Variants in ATCAY observed in about 807,000 individuals in gnomAD.
The protein encoded by ATCAY is caytaxin.
Under a neutral mutation model 47.7 loss-of-function variants are expected in ATCAY, and 22 were observed. That is an observed-to-expected ratio of 0.46 (90% CI 0.33 to 0.66). ATCAY has a LOEUF of 0.66. Ranked by LOEUF, ATCAY falls within the 30% of genes least tolerant of loss-of-function variation. The pLI is 0.02. For missense variants in ATCAY, 452 were observed against 515.0 expected (o/e 0.88, Z 1.18); for synonymous variants, 216 against 207.6 (o/e 1.04, Z -0.35).
intron 12 of ATCAY, chr19:3,922,255 T>G (rs1010916808): frequency 7.1e-6 from 5 of 699,542 alleles, no homozygotes; most frequent in African/African-American, 3.5e-5. Context: ...CATGCTGCTA[T>G]GAAGAAATAC....
At chr19:3,906,359 G>T (rs1359852725) in intron 4 of ATCAY, among the ~76,000 whole-genome samples, 6 of 148,766 alleles carry the variant, frequency 4.0e-5, no homozygotes, top group African/African-American at 1.5e-4. Flanking sequence ...CTGGAGTGCA[G>T]TGGTGTGATC....
chr19:3,910,789 G>T lies in ATCAY; in HGVS notation c.780-14G>T. On this transcript the variant is annotated splice_polypyrimidine_tract_variant and intron_variant, in intron 7 of 12. Transcript: ENST00000450849. ...CCCAGGAGCCCATCTTGCTTCCTTT[G>T]CGGCCCCACACAGGTTGCGGAAAAA... 1 of 1,613,922 alleles carries T rather than the reference G, an allele frequency of 6.2e-7. No individual in the cohort carries two copies. The highest frequency in any genetic ancestry group is 1.1e-5 in the South Asian group (1 of 91,080).
At chr19:3,917,698 A>G in intron 9 of ATCAY, 44 bp from the exon 10 acceptor site, 2 of 1,609,954 alleles carry the variant, frequency 1.2e-6, no homozygotes, top group African/African-American at 1.3e-5. Flanking sequence ...AGTATATCTC[A>G]GGGGAAAGGA....
chr19:3,916,313 T>G (rs1480520070), intron 9 of ATCAY, among the ~76,000 whole-genome samples: 1 of 152,224 alleles, frequency 6.6e-6, no homozygotes, highest in Non-Finnish European at 1.5e-5. Flanking sequence ...ACAATTGGGT[T>G]GTTTCCACCT....
chr19:3,916,361 C>G (rs1364590659), intron 9 of ATCAY, among the ~76,000 whole-genome samples: 1 of 152,170 alleles, frequency 6.6e-6, no homozygotes, highest in Non-Finnish European at 1.5e-5. Context: ...TTATATGCTA[C>G]TCACCTATGA....
chr19:3,899,852 G>A (rs999097725), intron 2 of ATCAY, among the ~76,000 whole-genome samples: 2 of 152,096 alleles, frequency 1.3e-5, no homozygotes, highest in Non-Finnish European at 2.9e-5. Flanking sequence ...GGTCAAACTC[G>A]GGCAGCACGG....
chr19:3,918,820 C>T lies in ATCAY; in HGVS notation c.1016C>T (p.Pro339Leu), dbSNP rs1199162322. The stretch of plus-strand genomic sequence containing the variant: ...TCTGTCCACAGCGCGAGGCCCCAGC[C>T]GGAGTTTGTGCTGCCCAGGTCTGAA... ...KARRESARPQ[P>L]EFVLPRSEEK... The change falls in exon 11 of 13, where the codon CCG becomes CTG. Residue 339 changes from proline (P) to leucine (L), a missense_variant. Coordinates refer to ENST00000450849, the MANE Select transcript of ATCAY (RefSeq NM_033064.5). The T allele has an allele frequency of 3.7e-5, 60 of 1,613,866 alleles. No homozygotes were observed. Among genetic ancestry groups the T allele is most frequent in the Middle Eastern group, 3.3e-4 (2 of 6,084 alleles).
intron 8 of ATCAY, among the ~76,000 whole-genome samples, chr19:3,911,635 T>C (rs1164960162): frequency 6.6e-6 from 1 of 151,948 alleles, no homozygotes; most frequent in Non-Finnish European, 1.5e-5. Flanking sequence ...ATATAGTTAC[T>C]ATATTAAACA....
At chr19:3,916,257 T>C (rs577261870) in intron 9 of ATCAY, among the ~76,000 whole-genome samples, 41 of 152,304 alleles carry the variant, frequency 2.7e-4, no homozygotes, top group African/African-American at 9.6e-4. Flanking sequence ...TAATATTCCA[T>C]TGCGTGAATG....
chr19:3,888,841 C>A (rs1369990114), intron 2 of ATCAY, among the ~76,000 whole-genome samples: 2 of 151,960 alleles, frequency 1.3e-5, no homozygotes, highest in Non-Finnish European at 2.9e-5. Flanking sequence ...AGAAGGAGGA[C>A]TGTTGAAGAC....
chr19:3,886,030 G>C (rs1244374932), intron 2 of ATCAY, among the ~76,000 whole-genome samples, 186 bp downstream of exon 2: 1 of 152,176 alleles, frequency 6.6e-6, no homozygotes, highest in East Asian at 1.9e-4. Context: ...CTTCTCTGTG[G>C]CCTCACAGTG....
In ATCAY at chr19:3,908,330, A is replaced by G. The variant is rs371570344; in HGVS notation, c.607A>G (p.Ser203Gly). The change falls in exon 6 of 13, where the codon AGC becomes GGC. Residue 203 changes from serine (S) to glycine (G), a missense_variant. Ser to Gly is a moderately conservative substitution (Grantham distance 56). Transcript: ENST00000450849. ...CGCAGCCTGCTTCCTTCCAGACAGC[A>G]GCCTCCCCGACTACCACTACATCAT... ...VFAACFLPDSSLPDYHYIMEN... is the reference protein window; with the variant it reads ...VFAACFLPDSGLPDYHYIMEN... 2 of 1,594,598 alleles carry G rather than the reference A, an allele frequency of 1.3e-6. No individual in the cohort carries two copies. Among genetic ancestry groups the G allele is most frequent in the South Asian group, 1.1e-5 (1 of 87,812 alleles).
intron 11 of ATCAY, among the ~76,000 whole-genome samples, chr19:3,919,341 C>G (rs1035091486): frequency 5.9e-5 from 9 of 151,668 alleles, no homozygotes; most frequent in African/African-American, 1.5e-4. Context: ...CGCCTGTAAT[C>G]CCAGTAGTTT....
At chr19:3,898,830 C>T (rs910891499) in intron 2 of ATCAY, among the ~76,000 whole-genome samples, 37 of 152,064 alleles carry the variant, frequency 2.4e-4, no homozygotes, top group African/African-American at 6.0e-4. Context: ...TATAGGCATG[C>T]GCCACCATGT....
intron 12 of ATCAY, among the ~76,000 whole-genome samples, chr19:3,921,023 C>A (rs2039013815): frequency 6.6e-6 from 1 of 152,128 alleles, no homozygotes; most frequent in African/African-American, 2.4e-5. Flanking sequence ...GTCAGGCCGT[C>A]CTTGCACAAC....
At chr19:3,910,649 G>A (rs933900368) in intron 7 of ATCAY, among the ~76,000 whole-genome samples, 154 bp from the exon 8 acceptor site, 1 of 152,108 alleles carries the variant, frequency 6.6e-6, no homozygotes, top group South Asian at 2.1e-4. Flanking sequence ...CCCATGTCTT[G>A]GATGGGGGCA....
chr19:3,907,831 C>T lies in ATCAY; in HGVS notation c.456C>T (p.Arg152=), dbSNP rs766463929. The stretch of plus-strand genomic sequence containing the variant: ...AGGACGGCAGCGCCGCCAACGGGCG[C>T]CTGTGGCGGACAGTGATCATCGGGG... ...TTEDGSAANG[R]LWRTVIIGEQ... The change falls in exon 5 of 13, where the codon CGC becomes CGT. Residue 152 remains arginine, a synonymous_variant. Transcript: ENST00000450849. The surrounding 1 kb of genome is among the most constrained non-coding windows in gnomAD (Gnocchi z 5.1). 67 of 1,613,852 alleles carry T rather than the reference C, an allele frequency of 4.2e-5. No individual in the cohort carries two copies. Among genetic ancestry groups the T allele is most frequent in the Non-Finnish European group, 5.4e-5 (64 of 1,179,868 alleles).
At chr19:3,887,825 G>C (rs2038676055) in intron 2 of ATCAY, among the ~76,000 whole-genome samples, 1 of 146,458 alleles carries the variant, frequency 6.8e-6, no homozygotes, top group African/African-American at 2.5e-5. Flanking sequence ...AAAAAAAAAA[G>C]GCCGGTCGCT....
chr19:3,910,940 T>C (rs1261899380), intron 8 of ATCAY, 51 bp downstream of exon 8: 1 of 1,579,168 alleles, frequency 6.3e-7, no homozygotes, highest in African/African-American at 1.3e-5. Flanking sequence ...TGTGCGTGTG[T>C]GCGTGTGTGT....
Sources: allele counts gnomAD v4.1 joint callset (sites outside exome capture counted in the v4.1 genomes callset), GRCh38; gene constraint gnomAD v4.1.1; non-coding constraint Gnocchi (gnomAD v3.1); transcripts MANE v1.5; gene names NCBI Gene and HGNC (gene_info 2026-07-23, HGNC 2026-07-21).